The following COG2 variants were observed in gnomAD, a reference collection of about 807,000 sequenced individuals.
COG2 encodes component of oligomeric golgi complex 2.
COG2 carries 52 observed loss-of-function variants against 90.6 expected under a neutral mutation model. That is an observed-to-expected ratio of 0.57 (90% confidence interval 0.46 to 0.72). COG2 has a LOEUF of 0.72. Ranked by LOEUF, COG2 falls within the 30% of genes least tolerant of loss-of-function variation. The pLI is 0.00. For missense variants in COG2, 829 were observed against 891.2 expected (o/e 0.93, Z 0.89); for synonymous variants, 337 against 320.4 (o/e 1.05, Z -0.55).
In COG2 at chr1:230,668,688, T is replaced by A; in HGVS notation, c.498T>A (p.Thr166=). The A allele has an allele frequency of 6.2e-7, 1 of 1,611,212 alleles. No homozygotes were observed. Among genetic ancestry groups the A allele is most frequent in the Admixed American group, 1.7e-5 (1 of 59,800 alleles). Residue 166 remains threonine (T), a synonymous_variant, in exon 6 of 18, where the codon ACT becomes ACA. Transcript: ENST00000366669. ...SALEASSPLL[T]GQILERIATE... ...TTTTCTCTACTAGCCCCCTTTTGAC[T>A]GGACAAATTTTGGAGAGAATTGCCA...
intron 1 of COG2, among the ~76,000 whole-genome samples, chr1:230,645,606 G>A (rs1661750530): frequency 1.3e-5 from 2 of 152,240 alleles, no homozygotes; most frequent in Admixed American, 1.3e-4. Flanking sequence ...GCAGGGGATG[G>A]TTTTGGGGTG....
intron 13 of COG2, among the ~76,000 whole-genome samples, chr1:230,687,342 T>A (rs540324508): frequency 4.4e-4 from 67 of 152,256 alleles, no homozygotes; most frequent in African/African-American, 1.5e-3. Context: ...TTTCTAAGGG[T>A]GTGCACTTCT....
chr1:230,669,870 G>A (rs1662407108), intron 7 of COG2: 1 of 211,502 alleles, frequency 4.7e-6, no homozygotes, highest in Non-Finnish European at 9.6e-6. Context: ...TCAAATCACT[G>A]GTCTTGTGGG....
At chr1:230,684,949 C>G in intron 11 of COG2, 136 bp from the exon 12 acceptor site, 1 of 1,014,372 alleles carries the variant, frequency 9.9e-7, no homozygotes. Flanking sequence ...CCTCCAACAG[C>G]TTTGCTGACC....
rs555050707 is a variant in COG2 at position 230,678,029 on chromosome 1, A to T, written c.1027-884A>T. On this transcript the variant is annotated intron_variant, in intron 9 of 17. Coordinates refer to ENST00000366669, the MANE Select transcript of COG2 (RefSeq NM_007357.3). ...AAATTTAAAGCCTGTAGTTTTTACT[A>T]CTGTAAGATCCTTTCTAAGCACAGA... 4.1e-6 allele frequency: 4 copies of T among 985,414 alleles called. No homozygotes were observed. The African/African-American group carries it at 7.0e-5, about 17-fold the overall frequency. The allele number at this position is 985,414 out of a possible 1,614,324, so 61.0% of individuals were successfully genotyped here. A position where few individuals can be genotyped will look rare whatever the true frequency, so the allele number is the denominator to read the frequency against.
chr1:230,646,519 G>T (rs764097335), intron 1 of COG2, among the ~76,000 whole-genome samples: 4 of 152,110 alleles, frequency 2.6e-5, no homozygotes, highest in Admixed American at 2.6e-4. Flanking sequence ...TGCACTTTCC[G>T]CAGGTGACCC....
intron 14 of COG2, 63 bp downstream of exon 14, chr1:230,688,206 A>C: frequency 7.6e-7 from 1 of 1,309,708 alleles, no homozygotes; most frequent in Non-Finnish European, 1.1e-6. Context: ...AAAATCTCAG[A>C]GACTGTAGGG....
rs1245087577 is a variant in COG2 at position 230,642,484 on chromosome 1, T to G, written c.-123T>G. On this transcript the variant is annotated 5_prime_UTR_variant, in exon 1 of 18. Transcript: ENST00000366669. ...TGGCCGCGGCGCGGGCGCTGCCATG[T>G]TGGCGGAAGCGGACCCCCCTGTGCC... The G allele has an allele frequency of 3.2e-5, 28 of 886,796 alleles. No homozygotes were observed. Among genetic ancestry groups the G allele is most frequent in the Non-Finnish European group, 4.2e-5 (25 of 597,462 alleles). The allele number at this position is 886,796 out of a possible 1,614,324, so 54.9% of individuals were successfully genotyped here.
rs77326385 is a variant in COG2, at chr1:230,668,757, C to T, written c.567C>T (p.Gly189=). The change falls in exon 6 of 18, where the codon GGC becomes GGT. Residue 189 remains glycine, a synonymous_variant. Coordinates refer to ENST00000366669, the MANE Select transcript of COG2 (RefSeq NM_007357.3). The stretch of plus-strand genomic sequence containing the variant: ...AGTTTCATGCTGTTCAAAGCAAAGG[C>T]ATGCCTCTTTTGGACAAAGTAAGAC... ...QLQFHAVQSK[G]MPLLDKVRPR... The T allele has an allele frequency of 1.5e-3, 2,373 of 1,610,442 alleles. 35 individuals carry two copies. In the African/African-American group the frequency reaches 0.028, roughly 19 times the overall value.
intron 1 of COG2, among the ~76,000 whole-genome samples, chr1:230,645,883 C>T (rs1661762217): frequency 6.6e-6 from 1 of 152,074 alleles, no homozygotes; most frequent in Non-Finnish European, 1.5e-5. Context: ...TCTAGTGCTG[C>T]CACTGATCTG....
intron 10 of COG2, chr1:230,681,060 C>T (rs1010490818): frequency 2.9e-4 from 44 of 152,378 alleles, no homozygotes; most frequent in African/African-American, 8.9e-4. Context: ...GCCACCACCA[C>T]AATTCTTGTG....
intron 13 of COG2, 93 bp downstream of exon 13, chr1:230,687,225 G>T: frequency 9.1e-7 from 1 of 1,104,230 alleles, no homozygotes; most frequent in Non-Finnish European, 1.3e-6. Flanking sequence ...TGGGCCTTAC[G>T]GGGCTTAAAT....
At chr1:230,678,184 A>G (rs1273434806) in intron 9 of COG2, 1 of 985,416 alleles carries the variant, frequency 1.0e-6, no homozygotes, top group Non-Finnish European at 1.2e-6. Context: ...CAAAAGCAAC[A>G]TGCAGCCGCA....
intron 13 of COG2, among the ~76,000 whole-genome samples, chr1:230,687,766 A>G (rs776343536): frequency 6.6e-5 from 10 of 152,194 alleles, no homozygotes; most frequent in African/African-American, 2.4e-4. Flanking sequence ...GTATGTTTTC[A>G]GTAAGAATAT....
intron 15 of COG2, 165 bp from the exon 16 acceptor site, chr1:230,689,849 C>A: frequency 1.6e-6 from 1 of 610,458 alleles, no homozygotes; most frequent in Non-Finnish European, 2.8e-6. Flanking sequence ...GTTCTCCAGG[C>A]AGCTTTCTGT....
chr1:230,688,600 A>C, intron 15 of COG2, 38 bp downstream of exon 15: 1 of 1,610,942 alleles, frequency 6.2e-7, no homozygotes, highest in Non-Finnish European at 8.5e-7. Flanking sequence ...TGAGGTGGGG[A>C]AGTGTGTGTT....
intron 6 of COG2, 88 bp from the exon 7 acceptor site, chr1:230,669,268 G>A: frequency 1.7e-6 from 2 of 1,174,670 alleles, no homozygotes; most frequent in Middle Eastern, 2.0e-4. Flanking sequence ...TTATCTGTTG[G>A]TGTAAGAGGC....
intron 1 of COG2, among the ~76,000 whole-genome samples, chr1:230,653,486 G>C (rs968986817): frequency 1.4e-4 from 6 of 41,466 alleles, no homozygotes; most frequent in African/African-American, 6.7e-4. Flanking sequence ...CTCTCAAAGC[G>C]CTGGCATTAC....
At chr1:230,649,713 GTTAC>G (rs1285087931) in intron 1 of COG2, among the ~76,000 whole-genome samples, 1 of 151,784 alleles carries the variant, frequency 6.6e-6, no homozygotes, top group Non-Finnish European at 1.5e-5. Flanking sequence ...TTTTTCTTTT[GTTAC>G]TTATTTATTT....
Sources: gnomAD v4.1 joint callset for allele counts (sites outside exome capture counted in the v4.1 genomes callset) on GRCh38, gnomAD v4.1.1 for gene constraint, MANE v1.5 for transcripts, NCBI Gene and HGNC (gene_info 2026-07-23, HGNC 2026-07-21) for gene names.